CNTNAP2: variants seen among roughly 807,000 people sequenced by gnomAD.
CNTNAP2 encodes contactin-associated protein-like 2.
Under a neutral mutation model 155.2 loss-of-function variants are expected in CNTNAP2, and 98 were observed. The ratio of observed to expected loss-of-function variants is 0.63; its 90% confidence interval spans 0.54 to 0.75. The LOEUF (loss-of-function observed/expected upper bound fraction) is 0.75. Ranked by LOEUF, CNTNAP2 falls within the 30% of genes least tolerant of loss-of-function variation. The pLI is 0.00. For synonymous variants in CNTNAP2, 651 were observed against 631.2 expected (o/e 1.03, Z -0.47); for missense variants, 1,727 against 1,688.1 (o/e 1.02, Z -0.40).
intron 15 of CNTNAP2, chr7:148,056,442 A>C (rs548796726): frequency 6.6e-6 from 1 of 152,234 alleles, no homozygotes; most frequent in South Asian, 2.1e-4. Flanking sequence ...GCTGGTATCA[A>C]GATTACATTT....
intron 1 of CNTNAP2, among the ~76,000 whole-genome samples, chr7:146,305,906 C>T (rs1800702572): frequency 2.0e-5 from 3 of 152,124 alleles, no homozygotes; most frequent in Admixed American, 2.0e-4. Context: ...CAGAGCAGAA[C>T]TGAAGGAGAT....
intron 1 of CNTNAP2, among the ~76,000 whole-genome samples, chr7:146,743,242 A>T (rs1369851553): frequency 6.6e-6 from 1 of 152,186 alleles, no homozygotes; most frequent in African/African-American, 2.4e-5. Context: ...AACACATGTC[A>T]GAGTCCATAG....
intron 8 of CNTNAP2, among the ~76,000 whole-genome samples, chr7:147,238,175 C>T (rs563104793): frequency 9.4e-4 from 143 of 152,200 alleles, no homozygotes; most frequent in African/African-American, 3.1e-3. Context: ...CCACCACGCC[C>T]GGCTAATTTT....
At chr7:148,208,237 T>C (rs1216298540) in intron 18 of CNTNAP2, among the ~76,000 whole-genome samples, 1 of 152,216 alleles carries the variant, frequency 6.6e-6, no homozygotes, top group Non-Finnish European at 1.5e-5. Flanking sequence ...CTCTAGGCTT[T>C]CTGCCTTTGA....
intron 11 of CNTNAP2, among the ~76,000 whole-genome samples, chr7:147,518,180 G>A (rs1014458536): frequency 6.6e-6 from 1 of 152,190 alleles, no homozygotes; most frequent in Non-Finnish European, 1.5e-5. Context: ...TATACCTGCG[G>A]TGTATCATCC....
chr7:148,407,292 T>C (rs899166988), intron 22 of CNTNAP2, among the ~76,000 whole-genome samples: 1 of 152,214 alleles, frequency 6.6e-6, no homozygotes, highest in African/African-American at 2.4e-5. Context: ...TAATCCACAC[T>C]ACCTACCCCA....
At chr7:146,919,209 G>A (rs137880371) in intron 3 of CNTNAP2, among the ~76,000 whole-genome samples, 2 of 152,244 alleles carry the variant, frequency 1.3e-5, no homozygotes, top group East Asian at 3.9e-4. Flanking sequence ...GTCTTGGTTT[G>A]GATTCATTGC....
chr7:146,434,738 G>T (rs983268805), intron 1 of CNTNAP2, among the ~76,000 whole-genome samples: 3 of 152,008 alleles, frequency 2.0e-5, no homozygotes, highest in Non-Finnish European at 2.9e-5. Context: ...ATTAGAGAAG[G>T]TTAAAACAAT....
intron 10 of CNTNAP2, among the ~76,000 whole-genome samples, chr7:147,422,950 A>T (rs1797319712): frequency 6.6e-6 from 1 of 152,322 alleles, no homozygotes; most frequent in South Asian, 2.1e-4. Flanking sequence ...GGCAAAAGAA[A>T]AAAACAACAA....
chr7:147,062,210 A>C (rs993626658), intron 4 of CNTNAP2, among the ~76,000 whole-genome samples: 1 of 150,200 alleles, frequency 6.7e-6, no homozygotes, highest in African/African-American at 2.5e-5. Context: ...AACCATAGAC[A>C]GTACCTACAA....
intron 1 of CNTNAP2, among the ~76,000 whole-genome samples, chr7:146,144,014 G>A (rs1201934446): frequency 2.0e-5 from 3 of 152,014 alleles, no homozygotes; most frequent in Non-Finnish European, 2.9e-5. Context: ...CTCCCACCTC[G>A]GCCTCCCGAT....
chr7:146,726,263 T>C (rs1801429370), intron 1 of CNTNAP2, among the ~76,000 whole-genome samples: 1 of 152,208 alleles, frequency 6.6e-6, no homozygotes, highest in East Asian at 1.9e-4. Context: ...AATATCTAGG[T>C]AACAATACAT....
intron 17 of CNTNAP2, among the ~76,000 whole-genome samples, chr7:148,160,248 G>C (rs1468449381): frequency 2.6e-5 from 4 of 151,078 alleles, no homozygotes; most frequent in Admixed American, 1.3e-4. Flanking sequence ...TCAAAAGAAA[G>C]AGAAAATGAC....
intron 11 of CNTNAP2, among the ~76,000 whole-genome samples, chr7:147,517,350 C>T (rs1037246828): frequency 1.3e-5 from 2 of 152,270 alleles, no homozygotes; most frequent in Non-Finnish European, 1.5e-5. Context: ...CTTAAATCTT[C>T]AATACAGCAG....
At chr7:146,985,400 C>T (rs1798097835) in intron 3 of CNTNAP2, among the ~76,000 whole-genome samples, 1 of 149,660 alleles carries the variant, frequency 6.7e-6, no homozygotes. Flanking sequence ...TCACTGCAAG[C>T]TCCGCCTCCT....
intron 1 of CNTNAP2, among the ~76,000 whole-genome samples, chr7:146,431,930 G>C (rs1796178741): frequency 2.0e-5 from 3 of 152,014 alleles, no homozygotes; most frequent in Admixed American, 2.0e-4. Context: ...AAATACATTT[G>C]TTTGCTCTCT....
chr7:147,408,928 G>A (rs1797056173), intron 10 of CNTNAP2, among the ~76,000 whole-genome samples: 1 of 152,160 alleles, frequency 6.6e-6, no homozygotes, highest in Non-Finnish European at 1.5e-5. Flanking sequence ...AGTAGAACCA[G>A]GTGAAAAAGG....
chr7:146,743,212 T>A (rs942617757), intron 1 of CNTNAP2, among the ~76,000 whole-genome samples: 2 of 152,172 alleles, frequency 1.3e-5, no homozygotes, highest in African/African-American at 4.8e-5. Flanking sequence ...TAAAATTTCC[T>A]TTTTCTTATT....
intron 11 of CNTNAP2, among the ~76,000 whole-genome samples, chr7:147,536,229 A>G (rs2116734508): frequency 1.3e-5 from 2 of 152,360 alleles, no homozygotes; most frequent in Middle Eastern, 6.8e-3. Context: ...CTTCATCTGT[A>G]TAAATTCAAA....
Sources: gnomAD v4.1 joint callset for allele counts (sites outside exome capture counted in the v4.1 genomes callset) on GRCh38, gnomAD v4.1.1 for gene constraint, MANE v1.5 for transcripts, NCBI Gene and HGNC (gene_info 2026-07-23, HGNC 2026-07-21) for gene names.